Variants in TSHZ3 observed in about 807,000 individuals in gnomAD.
The protein encoded by TSHZ3 is teashirt homolog 3.
Under a neutral mutation model 64.5 loss-of-function variants are expected in TSHZ3, and 10 were observed. The ratio of observed to expected loss-of-function variants is 0.16; its 90% CI spans 0.10 to 0.26. The LOEUF (loss-of-function observed/expected upper bound fraction) is 0.26, where lower values mean the gene tolerates loss of function less well. TSHZ3 is among the 10% of genes least tolerant of loss of function. The pLI, the probability that TSHZ3 is intolerant of heterozygous loss-of-function variation, is 1.00. For missense variants in TSHZ3, 1,242 were observed against 1,421.7 expected, an observed-to-expected ratio of 0.87 and a Z score of 2.03; for synonymous variants, 608 against 593.1, an observed-to-expected ratio of 1.03 and a Z score of -0.36.
intron 5 of TSHZ3, among the ~76,000 whole-genome samples, chr19:31,171,825 G>A (rs968351191): frequency 6.6e-6 from 1 of 152,114 alleles, no homozygotes; most frequent in African/African-American, 2.4e-5. Context: ...TCAGAGCCCT[G>A]TCCATTCTGC....
chr19:31,191,353 C>T (rs766073353), intron 5 of TSHZ3, among the ~76,000 whole-genome samples: 10 of 152,040 alleles, frequency 6.6e-5, no homozygotes, highest in Non-Finnish European at 8.8e-5. Context: ...AATTTCTAGT[C>T]GGAAACAATG....
chr19:31,171,601 A>C (rs1434702940), intron 5 of TSHZ3, among the ~76,000 whole-genome samples: 1 of 150,574 alleles, frequency 6.6e-6, no homozygotes, highest in African/African-American at 2.5e-5. Flanking sequence ...TTCTATGTTT[A>C]TTCAAAAAAG....
intron 1 of TSHZ3, among the ~76,000 whole-genome samples, chr19:31,345,635 A>T (rs893865771): frequency 6.6e-6 from 1 of 152,088 alleles, no homozygotes; most frequent in African/African-American, 2.4e-5. Flanking sequence ...CTTTCAAAGA[A>T]TATAGCTTGC....
chr19:31,346,573 C>T (rs533100730), intron 1 of TSHZ3, among the ~76,000 whole-genome samples: 1 of 152,212 alleles, frequency 6.6e-6, no homozygotes, highest in Non-Finnish European at 1.5e-5. Context: ...AAAAAATTCT[C>T]GAGTATTCTC....
intron 5 of TSHZ3, among the ~76,000 whole-genome samples, chr19:31,166,125 G>A (rs899542312): frequency 2.0e-5 from 3 of 152,176 alleles, no homozygotes; most frequent in Admixed American, 6.5e-5. Flanking sequence ...CACTCTGACT[G>A]CCTGTCAACC....
intron 1 of TSHZ3, among the ~76,000 whole-genome samples, chr19:31,254,208 C>T (rs1359342038): frequency 6.6e-6 from 1 of 152,204 alleles, no homozygotes; most frequent in Non-Finnish European, 1.5e-5. Context: ...CTTAGCATCC[C>T]CTGCTCCATC....
chr19:31,174,987 G>T (rs1323797790), intron 5 of TSHZ3, among the ~76,000 whole-genome samples: 1 of 152,202 alleles, frequency 6.6e-6, no homozygotes, highest in African/African-American at 2.4e-5. Context: ...TCTGACTTGG[G>T]TCCCACACAG....
intron 5 of TSHZ3, among the ~76,000 whole-genome samples, chr19:31,179,646 T>C (rs945820177): frequency 6.7e-6 from 1 of 149,034 alleles, no homozygotes; most frequent in Non-Finnish European, 1.5e-5. Context: ...GACAGTGGTG[T>C]TTGTGATGGT....
chr19:31,210,981 G>A (rs1191014609), intron 4 of TSHZ3, among the ~76,000 whole-genome samples: 3 of 152,118 alleles, frequency 2.0e-5, no homozygotes, highest in Non-Finnish European at 4.4e-5. Context: ...GCATAAGTAG[G>A]TGGAACATAA....
intron 5 of TSHZ3, among the ~76,000 whole-genome samples, chr19:31,169,473 C>G (rs1020861117): frequency 6.6e-6 from 1 of 152,174 alleles, no homozygotes; most frequent in Admixed American, 6.5e-5. Context: ...TGGAGAATTA[C>G]TGTTTAATTC....
chr19:31,158,469 A>C (rs2145100602), intron 5 of TSHZ3, among the ~76,000 whole-genome samples: 1 of 152,266 alleles, frequency 6.6e-6, no homozygotes, highest in Non-Finnish European at 1.5e-5. Context: ...CTGGGATAAG[A>C]CTGAGATGTC....
upstream of TSHZ3, among the ~76,000 whole-genome samples, chr19:31,350,171 C>T (rs1277314297): frequency 2.0e-5 from 3 of 150,228 alleles, no homozygotes; most frequent in South Asian, 4.2e-4. Context: ...TGGCGTCCCC[C>T]GGGGAAGCCA....
chr19:31,179,417 C>T (rs1974664215), intron 5 of TSHZ3, among the ~76,000 whole-genome samples: 2 of 152,206 alleles, frequency 1.3e-5, no homozygotes, highest in African/African-American at 4.8e-5. Flanking sequence ...ATTAGCCATT[C>T]CCAACTAGAA....
intron 4 of TSHZ3, among the ~76,000 whole-genome samples, chr19:31,222,501 C>T (rs1975405127): frequency 6.6e-6 from 1 of 152,228 alleles, no homozygotes; most frequent in Admixed American, 6.5e-5. Context: ...AGGTTCCCAT[C>T]TTCCTGTTCC....
intron 1 of TSHZ3, among the ~76,000 whole-genome samples, chr19:31,297,484 AT>A (rs913950956): frequency 3.3e-5 from 5 of 151,590 alleles, no homozygotes; most frequent in African/African-American, 9.7e-5. Flanking sequence ...CTAATTTTTT[AT>A]TTTTTTTAAG....
chr19:31,267,637 G>A (rs1265846018), intron 1 of TSHZ3, among the ~76,000 whole-genome samples: 1 of 140,922 alleles, frequency 7.1e-6, no homozygotes, highest in East Asian at 2.1e-4. Flanking sequence ...CCATTTAGGA[G>A]AATAAGCCCA....
chr19:31,319,693 A>C (rs1916708874), intron 1 of TSHZ3, among the ~76,000 whole-genome samples: 1 of 152,216 alleles, frequency 6.6e-6, no homozygotes, highest in South Asian at 2.1e-4. Context: ...AGGGACAAAT[A>C]ACCACCATGA....
chr19:31,183,439 C>T (rs1390718591), intron 5 of TSHZ3, among the ~76,000 whole-genome samples: 1 of 152,122 alleles, frequency 6.6e-6, no homozygotes, highest in Non-Finnish European at 1.5e-5. Flanking sequence ...TGAGTGAAGA[C>T]TACTCTGAGA....
intron 4 of TSHZ3, among the ~76,000 whole-genome samples, chr19:31,216,193 T>G (rs533559796): frequency 2.0e-5 from 3 of 152,256 alleles, no homozygotes; most frequent in Admixed American, 2.0e-4. Context: ...AAATCGTTCT[T>G]AAATATTTAA....
Sources: allele counts gnomAD v4.1 joint callset (sites outside exome capture counted in the v4.1 genomes callset), GRCh38; gene constraint gnomAD v4.1.1; transcripts MANE v1.5; gene names NCBI Gene and HGNC (gene_info 2026-07-23, HGNC 2026-07-21).